CCDC102B: variants seen among roughly 807,000 people sequenced by gnomAD.
The protein encoded by CCDC102B is coiled-coil domain-containing protein 102B.
A neutral mutation model predicts 57.4 loss-of-function variants in CCDC102B; 75 were observed. The ratio of observed to expected loss-of-function variants is 1.31; its 90% CI spans 1.08 to 1.58. The LOEUF (loss-of-function observed/expected upper bound fraction) is 1.58, where lower values mean the gene tolerates loss of function less well. CCDC102B is among the 40% of genes most tolerant of loss of function. The pLI is 0.00. For synonymous variants in CCDC102B, 206 were observed against 201.9 expected (o/e 1.02, Z -0.17); for missense variants, 636 against 582.6 (o/e 1.09, Z -0.94).
intron 6 of CCDC102B, chr18:68,992,695 G>C (rs1450032146): frequency 6.5e-6 from 1 of 153,616 alleles, no homozygotes; most frequent in Admixed American, 6.5e-5. Context: ...TCCAGGGGCA[G>C]AGGCTGGGGA....
intron 2 of CCDC102B, among the ~76,000 whole-genome samples, chr18:68,743,926 A>C (rs2033512567): frequency 6.6e-6 from 1 of 152,150 alleles, no homozygotes; most frequent in African/African-American, 2.4e-5. Flanking sequence ...ACTGGGGATA[A>C]ATTAATTTTT....
At chr18:68,839,973 A>G (rs1364534991) in intron 3 of CCDC102B, among the ~76,000 whole-genome samples, 1 of 152,170 alleles carries the variant, frequency 6.6e-6, no homozygotes, top group African/African-American at 2.4e-5. Flanking sequence ...TGTGGCAACG[A>G]TCTTTGCAAA....
At chr18:69,037,050 C>T (rs974979119) in intron 7 of CCDC102B, among the ~76,000 whole-genome samples, 2 of 149,830 alleles carry the variant, frequency 1.3e-5, no homozygotes, top group African/African-American at 4.9e-5. Context: ...CACACACACA[C>T]ACATACATAC....
chr18:68,763,833 C>A (rs1225087641), intron 2 of CCDC102B, among the ~76,000 whole-genome samples: 1 of 151,880 alleles, frequency 6.6e-6, no homozygotes, highest in African/African-American at 2.4e-5. Flanking sequence ...CTAGGTATTT[C>A]TTCCATGTGA....
At chr18:69,007,476 C>T (rs1312547001) in intron 6 of CCDC102B, among the ~76,000 whole-genome samples, 1 of 152,192 alleles carries the variant, frequency 6.6e-6, no homozygotes, top group Admixed American at 6.5e-5. Context: ...TTTCTCATTA[C>T]ACAGCTAAGT....
chr18:68,883,283 T>A (rs1431660474), intron 5 of CCDC102B, among the ~76,000 whole-genome samples: 1 of 151,952 alleles, frequency 6.6e-6, no homozygotes, highest in Non-Finnish European at 1.5e-5. Flanking sequence ...TGGTGGCACA[T>A]GCCTGTAATC....
intron 6 of CCDC102B, among the ~76,000 whole-genome samples, chr18:68,910,546 T>C (rs1455765963): frequency 6.6e-6 from 1 of 152,108 alleles, no homozygotes; most frequent in Non-Finnish European, 1.5e-5. Context: ...ATATGAGAAC[T>C]CCCTGGGCCA....
At position 68,726,454 on chromosome 18, in the gene CCDC102B, A is replaced by T. The variant is rs530971089; in HGVS notation, c.-67+9860A>T. Reference sequence around the variant, plus strand: ...CTGATGTTGCCAGTGAGAGAGGCTGATGGACGATGGAGACTATCAGTAGTT... The same window carrying T: ...CTGATGTTGCCAGTGAGAGAGGCTGTTGGACGATGGAGACTATCAGTAGTT... On this transcript the variant is annotated intron_variant, in intron 2 of 3. Coordinates refer to the CCDC102B transcript ENST00000578970. 4.6e-5 allele frequency among the ~76,000 whole-genome samples: 7 copies of T among 152,364 alleles called. 1 individual carries two copies. The East Asian group carries it at 1.3e-3, about 29-fold the overall frequency.
At chr18:68,723,785 C>T (rs540508831) in intron 2 of CCDC102B, among the ~76,000 whole-genome samples, 204 of 152,312 alleles carry the variant, frequency 1.3e-3, no homozygotes, top group African/African-American at 4.4e-3. Flanking sequence ...TTTCCAGCTG[C>T]GTGGTACATG....
intron 6 of CCDC102B, among the ~76,000 whole-genome samples, chr18:68,996,796 T>C (rs1018707211): frequency 6.6e-6 from 1 of 152,176 alleles, no homozygotes; most frequent in Non-Finnish European, 1.5e-5. Flanking sequence ...ATTAAGAATT[T>C]GGGGGAAGCT....
intron 7 of CCDC102B, among the ~76,000 whole-genome samples, chr18:69,052,490 G>T (rs17080173): frequency 6.6e-6 from 1 of 151,582 alleles, no homozygotes; most frequent in South Asian, 2.1e-4. Context: ...TCTATCTATC[G>T]TCTGTTATAC....
chr18:69,017,632 C>T (rs2051706713), intron 7 of CCDC102B, among the ~76,000 whole-genome samples: 1 of 152,130 alleles, frequency 6.6e-6, no homozygotes, highest in African/African-American at 2.4e-5. Flanking sequence ...AACTTCTCCA[C>T]ATAGTTAACA....
intron 1 of CCDC102B, among the ~76,000 whole-genome samples, chr18:68,807,036 C>G (rs893892513): frequency 6.6e-6 from 1 of 152,068 alleles, no homozygotes; most frequent in Non-Finnish European, 1.5e-5. Flanking sequence ...TATTTATCTC[C>G]TTGTTGAAAG....
At chr18:68,846,021 G>A (rs1444291215) in intron 3 of CCDC102B, among the ~76,000 whole-genome samples, 1 of 151,634 alleles carries the variant, frequency 6.6e-6, no homozygotes, top group Admixed American at 6.6e-5. Context: ...ATGAGTGAAA[G>A]GAATTGAGAG....
intron 2 of CCDC102B, among the ~76,000 whole-genome samples, chr18:68,791,648 AAG>A (rs2035465209): frequency 9.9e-5 from 1 of 10,074 alleles, no homozygotes; most frequent in African/African-American, 1.6e-4. Context: ...GTATGTGAGA[AAG>A]AGAGATTTTA....
chr18:68,851,869 A>T (rs2038143041), intron 4 of CCDC102B, among the ~76,000 whole-genome samples: 1 of 152,214 alleles, frequency 6.6e-6, no homozygotes, highest in Admixed American at 6.5e-5. Flanking sequence ...CGTGGGGAGC[A>T]TTCATTCTAT....
At chr18:68,788,266 G>T (rs2144652187) in intron 2 of CCDC102B, among the ~76,000 whole-genome samples, 1 of 152,176 alleles carries the variant, frequency 6.6e-6, no homozygotes, top group Non-Finnish European at 1.5e-5. Flanking sequence ...GTCAATTTTG[G>T]AATAGGTGTG....
chr18:68,778,687 A>T (rs2144629309), intron 2 of CCDC102B, among the ~76,000 whole-genome samples: 1 of 152,228 alleles, frequency 6.6e-6, no homozygotes, highest in South Asian at 2.1e-4. Flanking sequence ...ATGCTTATTC[A>T]AAGAGCATTT....
chr18:68,991,227 T>C (rs1171789002), intron 6 of CCDC102B, among the ~76,000 whole-genome samples: 1 of 151,858 alleles, frequency 6.6e-6, no homozygotes, highest in Non-Finnish European at 1.5e-5. Flanking sequence ...TTCTCTAGAA[T>C]TATGAACAAA....
Sources: allele counts gnomAD v4.1 joint callset (sites outside exome capture counted in the v4.1 genomes callset), GRCh38; gene constraint gnomAD v4.1.1; transcripts MANE v1.5; gene names NCBI Gene and HGNC (gene_info 2026-07-23, HGNC 2026-07-21).